The following FARP2 variants were observed in gnomAD, a reference collection of about 807,000 sequenced individuals.
The protein encoded by FARP2 is FERM, ARHGEF and pleckstrin domain-containing protein 2.
A neutral mutation model predicts 130.5 loss-of-function variants in FARP2; 111 were observed. That is an observed-to-expected ratio of 0.85 (90% CI 0.73 to 1.00). The LOEUF is 1.00. FARP2 is among the 50% of genes least tolerant of loss of function. The pLI is 0.00. For synonymous variants in FARP2, 504 were observed against 516.9 expected (o/e 0.98, Z 0.34); for missense variants, 1,385 against 1,346.3 (o/e 1.03, Z -0.45).
At chr2:241,383,487 G>A (rs538511389) in intron 2 of FARP2, among the ~76,000 whole-genome samples, 166 of 152,292 alleles carry the variant, frequency 1.1e-3, no homozygotes, top group African/African-American at 3.8e-3. Flanking sequence ...TTGGGGATTA[G>A]CAAGAGACCA....
At chr2:241,437,806 A>G (rs1168249543) in intron 12 of FARP2, among the ~76,000 whole-genome samples, 2 of 151,962 alleles carry the variant, frequency 1.3e-5, no homozygotes, top group African/African-American at 4.8e-5. Flanking sequence ...CTGGGACTGC[A>G]GGTGCCCGCC....
intron 7 of FARP2, among the ~76,000 whole-genome samples, chr2:241,417,656 C>T (rs890800267): frequency 1.3e-5 from 2 of 152,144 alleles, no homozygotes; most frequent in Non-Finnish European, 2.9e-5. Flanking sequence ...AAATTTGTCT[C>T]TGCCAGTAGT....
At chr2:241,426,192 G>T (rs748173335) in intron 8 of FARP2, among the ~76,000 whole-genome samples, 155 of 152,114 alleles carry the variant, frequency 1.0e-3, no homozygotes, top group Non-Finnish European at 1.6e-3. Context: ...CCAGAGCAGA[G>T]GGCAGGGCCC....
rs2061316656 is a variant in FARP2 at position 241,366,153 on chromosome 2, A to T, written c.-24-6931A>T. On this transcript the variant is annotated intron_variant, in intron 1 of 26. Transcript: ENST00000264042. ...TATATATATATACACACACACATATATATTTTCTTCCTCTTTTAACAGAGG... is the reference window on the plus strand; with the variant it reads ...TATATATATATACACACACACATATTTATTTTCTTCCTCTTTTAACAGAGG... 1.4e-5 allele frequency among the ~76,000 whole-genome samples: 2 copies of T among 144,948 alleles called. 1 individual carries two copies. Among genetic ancestry groups the T allele is most frequent in the Admixed American group, 1.4e-4 (2 of 14,408 alleles).
chr2:241,420,352 A>ATG (rs994501193), intron 8 of FARP2, among the ~76,000 whole-genome samples: 1 of 152,136 alleles, frequency 6.6e-6, no homozygotes, highest in African/African-American at 2.4e-5. Context: ...AGAAAATTAT[A>ATG]TGTGCACTAT....
intron 6 of FARP2, among the ~76,000 whole-genome samples, chr2:241,411,964 T>G (rs16843642): frequency 0.17 from 25,427 of 152,170 alleles, 2,518 homozygotes; most frequent in East Asian, 0.4. Context: ...GCTGAAAGAC[T>G]TCTCAGGTAG....
chr2:241,377,396 C>T (rs578249486), intron 2 of FARP2, among the ~76,000 whole-genome samples: 2 of 150,046 alleles, frequency 1.3e-5, no homozygotes, highest in African/African-American at 4.9e-5. Context: ...CTGCGGACTG[C>T]AGTGGCGCAA....
At chr2:241,442,547 C>T (rs1223475369) in intron 13 of FARP2, 1 of 444,864 alleles carries the variant, frequency 2.2e-6, no homozygotes, top group Non-Finnish European at 4.5e-6. Flanking sequence ...CTCTGGGTTC[C>T]TTTACAAGGC....
At position 241,371,255 on chromosome 2, in the gene FARP2, G is replaced by A. The variant is rs969399453; in HGVS notation, c.-24-1829G>A. The stretch of plus-strand genomic sequence containing the variant: ...CCCAGCACTTTGGGAGGCCAAGGTC[G>A]GAGGATGAGTTGAGGCCAGGAGTTG... On this transcript the variant is annotated intron_variant, in intron 1 of 26. Coordinates refer to ENST00000264042, the MANE Select transcript of FARP2 (RefSeq NM_014808.4). Among the ~76,000 whole-genome samples the A allele has an allele frequency of 8.1e-4, 124 of 152,310 alleles. 1 individual carries two copies. The highest frequency in any genetic ancestry group is 2.6e-3 in the African/African-American group (106 of 41,548).
chr2:241,383,305 G>A (rs898530563), intron 2 of FARP2, among the ~76,000 whole-genome samples: 8 of 152,220 alleles, frequency 5.3e-5, no homozygotes, highest in South Asian at 4.1e-4. Context: ...AATAAAGCAC[G>A]GAGGGAGCAG....
rs146364405 is a variant in FARP2, at chr2:241,460,968, A to G, written c.1588-1555A>G. 5.5e-3 allele frequency among the ~76,000 whole-genome samples: 842 copies of G among 152,310 alleles called. 14 individuals are homozygous for G. The highest frequency in any genetic ancestry group is 0.019 in the African/African-American group (788 of 41,554). On this transcript the variant is annotated intron_variant, in intron 14 of 26. Coordinates refer to ENST00000264042, the MANE Select transcript of FARP2 (RefSeq NM_014808.4). ...TATCCCTTCACAGCTGGCTATATCC[A>G]TGGGCTCAGGACTCACAGGATAAAT... is the stretch of plus-strand genomic sequence containing the variant.
At position 241,434,250 on chromosome 2, in the gene FARP2, T is replaced by C. The variant is rs752247630; in HGVS notation, c.960T>C (p.Phe320=). Residue 320 remains phenylalanine, a synonymous_variant, in exon 10 of 27, where the codon TTT becomes TTC. Transcript: ENST00000264042. Reference sequence around the variant, plus strand: ...TTTGTGTGGAGTATCACACCTTTTTTAGACTTTTGGACCAACCTAAGCCAA... The same window carrying C: ...TTTGTGTGGAGTATCACACCTTTTTCAGACTTTTGGACCAACCTAAGCCAA... ...WKICVEYHTF[F]RLLDQPKPKA... is the part of the protein sequence containing the mutation. The C allele has an allele frequency of 6.2e-6, 10 of 1,614,074 alleles. 1 individual carries two copies. In the South Asian group the frequency reaches 9.9e-5, roughly 16 times the overall value.
chr2:241,415,989 CTGTGTGTGTGTGTGTGTGTGTGTG>C (rs57774022), intron 7 of FARP2, among the ~76,000 whole-genome samples: 4 of 141,714 alleles, frequency 2.8e-5, no homozygotes, highest in African/African-American at 5.4e-5. Context: ...CAGGGTAGTT[CTGTGTGTGTGTGTGTGTGTGTGTG>C]TGTGTGTGTG....
At chr2:241,378,038 C>G (rs887354948) in intron 2 of FARP2, among the ~76,000 whole-genome samples, 1 of 152,078 alleles carries the variant, frequency 6.6e-6, no homozygotes, top group Non-Finnish European at 1.5e-5. Flanking sequence ...CTTTTTTATT[C>G]TAGCCATCCT....
intron 8 of FARP2, among the ~76,000 whole-genome samples, chr2:241,418,474 G>GT (rs1276217800): frequency 3.4e-5 from 5 of 148,556 alleles, no homozygotes; most frequent in African/African-American, 7.4e-5. Context: ...CCACAACCCT[G>GT]TTTTTTTTCC....
At chr2:241,474,045 G>A (rs1202663247) in intron 18 of FARP2, among the ~76,000 whole-genome samples, 2 of 152,154 alleles carry the variant, frequency 1.3e-5, no homozygotes, top group East Asian at 1.9e-4. Flanking sequence ...GGTGGCTCAC[G>A]CCTGTAATCC....
rs770627133 is a variant in FARP2, at chr2:241,463,428, A to G, written c.1771A>G (p.Arg591Gly). 1.2e-6 allele frequency: 2 copies of G among 1,614,088 alleles called. No individual in the cohort carries two copies. The highest frequency in any genetic ancestry group is 1.7e-6 in the Non-Finnish European group (2 of 1,180,032). ...SNIDPIYEFHRGFLREVEQRL... is the reference protein window; with the variant it reads ...SNIDPIYEFHGGFLREVEQRL... The stretch of plus-strand genomic sequence containing the variant: ...CATCGATCCCATCTATGAGTTCCAC[A>G]GAGGCTTCCTGCGCGAGGTGGAGCA... The change falls in exon 16 of 27, where the codon AGA becomes GGA. Residue 591 changes from arginine (R) to glycine (G), a missense_variant. Arg to Gly is a moderately radical substitution (Grantham distance 125). Coordinates refer to ENST00000264042, the MANE Select transcript of FARP2 (RefSeq NM_014808.4).
intron 25 of FARP2, 54 bp from the exon 26 acceptor site, chr2:241,493,239 C>A: frequency 6.3e-7 from 1 of 1,585,472 alleles, no homozygotes; most frequent in Non-Finnish European, 8.6e-7. Flanking sequence ...GAGGAATGGG[C>A]ATTCCCTGTG....
At chr2:241,392,481 G>A (rs2061930460) in intron 2 of FARP2, among the ~76,000 whole-genome samples, 1 of 152,206 alleles carries the variant, frequency 6.6e-6, no homozygotes, top group African/African-American at 2.4e-5. Context: ...AGAAACGATT[G>A]TAGAAGAGCT....
Sources: gnomAD v4.1 joint callset for allele counts (sites outside exome capture counted in the v4.1 genomes callset) on GRCh38, gnomAD v4.1.1 for gene constraint, MANE v1.5 for transcripts, NCBI Gene and HGNC (gene_info 2026-07-23, HGNC 2026-07-21) for gene names.